PIK3C2G: variants seen among roughly 807,000 people sequenced by gnomAD.
The protein encoded by PIK3C2G is phosphatidylinositol-4-phosphate 3-kinase catalytic subunit type 2 gamma.
In PIK3C2G, 168 loss-of-function variants were observed where a neutral mutation model predicts 181.1. The ratio of observed to expected loss-of-function variants is 0.93; its 90% confidence interval spans 0.82 to 1.05. The LOEUF (loss-of-function observed/expected upper bound fraction) is 1.05. PIK3C2G is among the 50% of genes least tolerant of loss of function. The probability of loss-of-function intolerance (pLI) is 0.00; values close to 1 mark genes in which losing one functional copy is unlikely to be tolerated. For synonymous variants in PIK3C2G, 573 were observed against 592.2 expected, an observed-to-expected ratio of 0.97 and a Z score of 0.47; for missense variants, 1,869 against 1,732.8, an observed-to-expected ratio of 1.08 and a Z score of -1.40.
At chr12:18,269,842 A>G (rs1299815191) in intron 1 of PIK3C2G, among the ~76,000 whole-genome samples, 1 of 152,088 alleles carries the variant, frequency 6.6e-6, no homozygotes, top group Non-Finnish European at 1.5e-5. Flanking sequence ...TCCAAATAGC[A>G]ATTATAAAAT....
At chr12:18,640,770 C>T (rs759034360) in intron 32 of PIK3C2G, among the ~76,000 whole-genome samples, 2 of 152,136 alleles carry the variant, frequency 1.3e-5, no homozygotes, top group Non-Finnish European at 2.9e-5. Context: ...AACCAATTTG[C>T]AAGTATGGCT....
upstream of PIK3C2G, among the ~76,000 whole-genome samples, chr12:18,260,578 G>A (rs1948206702): frequency 6.6e-6 from 1 of 151,876 alleles, no homozygotes; most frequent in Non-Finnish European, 1.5e-5. Flanking sequence ...ATCTTTCCAT[G>A]AGTAGCCCTG....
chr12:18,652,494 A>T (rs1173908509), downstream of PIK3C2G, among the ~76,000 whole-genome samples: 1 of 152,176 alleles, frequency 6.6e-6, no homozygotes, highest in Non-Finnish European at 1.5e-5. Context: ...CAGCCTCCAA[A>T]GCTGTGGGGG....
chr12:18,512,217 C>CT (rs1942256072), intron 24 of PIK3C2G, among the ~76,000 whole-genome samples: 1 of 151,944 alleles, frequency 6.6e-6, no homozygotes, highest in African/African-American at 2.4e-5. Flanking sequence ...ATTACAATCA[C>CT]TTTATAATAT....
chr12:18,591,938 C>T (rs1237996664), intron 29 of PIK3C2G, among the ~76,000 whole-genome samples: 2 of 151,660 alleles, frequency 1.3e-5, no homozygotes, highest in East Asian at 1.9e-4. Flanking sequence ...CAGGTACAAT[C>T]GACAGGATTT....
intron 30 of PIK3C2G, among the ~76,000 whole-genome samples, chr12:18,605,819 C>A (rs187634075): frequency 6.6e-6 from 1 of 152,208 alleles, no homozygotes; most frequent in Non-Finnish European, 1.5e-5. Flanking sequence ...CCTTTCTTGA[C>A]TCTCTACAGC....
chr12:18,291,156 T>C, intron 4 of PIK3C2G, 144 bp downstream of exon 4: 1 of 553,466 alleles, frequency 1.8e-6, no homozygotes, highest in Non-Finnish European at 3.1e-6. Flanking sequence ...ACATCAGGGA[T>C]CCATTTGTTA....
At chr12:18,601,210 C>T (rs1338038434) in intron 30 of PIK3C2G, among the ~76,000 whole-genome samples, 1 of 151,476 alleles carries the variant, frequency 6.6e-6, no homozygotes, top group African/African-American at 2.4e-5. Context: ...ATCACATGGT[C>T]ACCTCTATAG....
chr12:18,563,274 C>A, intron 27 of PIK3C2G, 103 bp from the exon 28 acceptor site: 1 of 1,020,496 alleles, frequency 9.8e-7, no homozygotes, highest in African/African-American at 1.6e-5. Context: ...TAATGTTTTG[C>A]AGAAAGGTAC....
chr12:18,685,664 A>T, the PIK3C2G span: 1 of 516,270 alleles, frequency 1.9e-6, no homozygotes, highest in East Asian at 5.5e-5. Context: ...TTGACCTAAG[A>T]AGAGAAATAA....
At chr12:18,506,328 G>A (rs139857907) in intron 24 of PIK3C2G, among the ~76,000 whole-genome samples, 177 of 152,262 alleles carry the variant, frequency 1.2e-3, no homozygotes, top group African/African-American at 4.0e-3. Flanking sequence ...GGCACAGAGG[G>A]CATATAGAGT....
At chr12:18,709,992 T>C in the PIK3C2G span, among the ~76,000 whole-genome samples, 1 of 151,948 alleles carries the variant, frequency 6.6e-6, no homozygotes, top group Non-Finnish European at 1.5e-5. Context: ...CTGATTTAAA[T>C]ATGTCGATTT....
chr12:18,405,263 A>G (rs759145119), intron 16 of PIK3C2G, among the ~76,000 whole-genome samples: 1 of 152,198 alleles, frequency 6.6e-6, no homozygotes, highest in African/African-American at 2.4e-5. Flanking sequence ...TTGAAAAACA[A>G]TGTGGGAGTT....
intron 16 of PIK3C2G, among the ~76,000 whole-genome samples, chr12:18,415,970 G>A (rs950936553): frequency 4.6e-5 from 7 of 152,174 alleles, no homozygotes; most frequent in African/African-American, 1.2e-4. Context: ...AAAGCCGGGC[G>A]GGCGCAGTGG....
At chr12:18,487,096 TTGTGTGTGTG>T (rs35440588) in intron 18 of PIK3C2G, among the ~76,000 whole-genome samples, 67 of 142,200 alleles carry the variant, frequency 4.7e-4, no homozygotes, top group African/African-American at 1.3e-3. Context: ...TTGAGGTATT[TTGTGTGTGTG>T]TGTGTGTGTG....
At chr12:18,508,195 T>C (rs1941967889) in intron 24 of PIK3C2G, among the ~76,000 whole-genome samples, 1 of 152,182 alleles carries the variant, frequency 6.6e-6, no homozygotes, top group African/African-American at 2.4e-5. Context: ...GATTATTGTT[T>C]CTAAGATTTT....
the PIK3C2G span, chr12:18,714,553 CG>C: frequency 1.3e-5 from 2 of 152,116 alleles, no homozygotes; most frequent in African/African-American, 4.8e-5. Context: ...CTTGAAACAC[CG>C]GGATCTTAGA....
At chr12:18,675,052 A>G in the PIK3C2G span, among the ~76,000 whole-genome samples, 4 of 152,188 alleles carry the variant, frequency 2.6e-5, no homozygotes, top group Admixed American at 6.6e-5. Flanking sequence ...CTTATTCAAT[A>G]TGGTAGCTAC....
At chr12:18,702,507 AG>A in the PIK3C2G span, among the ~76,000 whole-genome samples, 1 of 152,122 alleles carries the variant, frequency 6.6e-6, no homozygotes, top group East Asian at 1.9e-4. Context: ...TCTTTTCTCC[AG>A]GGAGCTTTGA....
Sources: gnomAD v4.1 joint callset for allele counts (sites outside exome capture counted in the v4.1 genomes callset) on GRCh38, gnomAD v4.1.1 for gene constraint, MANE v1.5 for transcripts, NCBI Gene and HGNC (gene_info 2026-07-23, HGNC 2026-07-21) for gene names.